ABCA6: variants seen among roughly 807,000 people sequenced by gnomAD.
ABCA6 encodes the protein ATP-binding cassette sub-family A member 6.
Under a neutral mutation model 191.2 loss-of-function variants are expected in ABCA6, and 164 were observed. That is an observed-to-expected ratio of 0.86 (90% CI 0.76 to 0.98). The LOEUF is 0.98. Among genes scored for constraint, ABCA6 ranks in the 50% least tolerant of loss-of-function variants. The pLI, the probability that ABCA6 is intolerant of heterozygous loss-of-function variation, is 0.00. For synonymous variants in ABCA6, 636 were observed against 647.7 expected, an observed-to-expected ratio of 0.98 and a Z score of 0.27; for missense variants, 1,958 against 1,894.1, an observed-to-expected ratio of 1.03 and a Z score of -0.63.
intron 8 of ABCA6, among the ~76,000 whole-genome samples, chr17:69,125,292 T>C (rs1442762889): frequency 1.3e-5 from 2 of 151,826 alleles, no homozygotes; most frequent in Non-Finnish European, 2.9e-5. Context: ...TTTGTTTGTT[T>C]TCAGAAAATC....
chr17:69,115,474 T>A lies in ABCA6; in HGVS notation c.1508A>T (p.Asp503Val). The A allele has an allele frequency of 6.2e-7, 1 of 1,609,104 alleles. No homozygotes were observed. Among genetic ancestry groups the A allele is most frequent in the Non-Finnish European group, 8.5e-7 (1 of 1,177,654 alleles). ...TGCCGTGATTTGACCTTCATATATGTCAAAGAGCAAGCCTATTTTTAGAAC... is the reference window on the plus strand; with the variant it reads ...TGCCGTGATTTGACCTTCATATATGACAAAGAGCAAGCCTATTTTTAGAAC... ...KVEALKGLLF[D>V]IYEGQITAIL... Residue 503 changes from aspartate to valine, a missense_variant, in exon 12 of 39, where the codon GAC becomes GTC. By Grantham distance (152) the Asp-to-Val change is radical. Coordinates refer to ENST00000284425, the MANE Select transcript of ABCA6 (RefSeq NM_080284.3).
intron 14 of ABCA6, 41 bp downstream of exon 14, chr17:69,113,577 A>G (rs1439862043): frequency 1.2e-6 from 2 of 1,611,328 alleles, no homozygotes; most frequent in East Asian, 2.2e-5. Context: ...CATTTTGCAG[A>G]CATTCGACCT....
intron 36 of ABCA6, 56 bp from the exon 37 acceptor site, chr17:69,081,201 A>C (rs2072626260): frequency 2.2e-6 from 2 of 893,442 alleles, no homozygotes; most frequent in East Asian, 5.0e-5. Flanking sequence ...GAAAATGAGC[A>C]TCAGAATAAA....
Position 69,112,253 on chromosome 17 carries a change from T to C in ABCA6, c.2062A>G (p.Asn688Asp). The C allele has an allele frequency of 1.2e-6, 2 of 1,612,246 alleles. No homozygotes were observed. Among genetic ancestry groups the C allele is most frequent in the Non-Finnish European group, 8.5e-7 (1 of 1,178,830 alleles). Residue 688 changes from asparagine to aspartate, a missense_variant, in exon 16 of 39, where the codon AAT becomes GAT. Coordinates refer to ENST00000284425, the MANE Select transcript of ABCA6 (RefSeq NM_080284.3). ...ILADRKVIMS[N>D]GRLKCAGSSM... Reference sequence around the variant, plus strand: ...GAACCTGCACACTTCAGTCTCCCATTGGACATGATCACTTTTCTATCTGAA... The same window carrying C: ...GAACCTGCACACTTCAGTCTCCCATCGGACATGATCACTTTTCTATCTGAA...
chr17:69,081,135 A>C lies in ABCA6; in HGVS notation c.4627T>G (p.Leu1543Val). The change falls in exon 37 of 39, where the codon TTG becomes GTG. Residue 1543 changes from leucine to valine, a missense_variant. Coordinates refer to ENST00000284425, the MANE Select transcript of ABCA6 (RefSeq NM_080284.3). ...GCCACGGGCAGCTTATAGGTTAACA[A>C]AGAGGAATACCTGAAAACAGGAAGA... is the stretch of plus-strand genomic sequence containing the variant. ...QAAGQERYSS[L>V]LTYKLPVADV... 1 of 1,591,376 alleles carries C rather than the reference A, an allele frequency of 6.3e-7. No homozygotes were observed. The highest frequency in any genetic ancestry group is 1.3e-5 in the African/African-American group (1 of 74,520).
At chr17:69,089,966 A>G (rs997797922) in intron 26 of ABCA6, among the ~76,000 whole-genome samples, 1 of 152,120 alleles carries the variant, frequency 6.6e-6, no homozygotes, top group Admixed American at 6.6e-5. Context: ...TCTTATCCCA[A>G]TGGTGACTAT....
In ABCA6 at chr17:69,116,431, T is replaced by C. The variant is rs2073540419; in HGVS notation, c.1496-945A>G. Among the ~76,000 whole-genome samples the C allele has an allele frequency of 2.6e-5, 4 of 152,124 alleles. No individual in the cohort carries two copies. In the South Asian group the frequency reaches 8.3e-4, roughly 31 times the overall value. Reference sequence around the variant, plus strand: ...TCATTATGTATTGCTTGTGGGAGTATGACTTTTTATGATTTTAGAGGGAAA... The same window carrying C: ...TCATTATGTATTGCTTGTGGGAGTACGACTTTTTATGATTTTAGAGGGAAA... On this transcript the variant is annotated intron_variant, in intron 11 of 38. Coordinates refer to ENST00000284425, the MANE Select transcript of ABCA6 (RefSeq NM_080284.3).
intron 18 of ABCA6, among the ~76,000 whole-genome samples, chr17:69,107,223 G>A (rs2073325580): frequency 1.3e-5 from 2 of 152,068 alleles, no homozygotes; most frequent in African/African-American, 4.8e-5. Context: ...ATATATCAAT[G>A]TATAGCCATA....
rs2072566557 is a variant in ABCA6 at position 69,079,200 on chromosome 17, C to T, written c.4752+10G>A. The T allele has an allele frequency of 1.2e-6, 2 of 1,607,486 alleles. No individual in the cohort carries two copies. The highest frequency in any genetic ancestry group is 1.7e-6 in the Non-Finnish European group (2 of 1,176,606). ...TACCAGATGATACAAAGTCAAACCA[C>T]TTGACTTACCTTCTCCAGTGTGCAC... On this transcript the variant is annotated intron_variant, in intron 38 of 38. Coordinates refer to ENST00000284425, the MANE Select transcript of ABCA6 (RefSeq NM_080284.3).
chr17:69,098,963 CA>C (rs1430159032), intron 22 of ABCA6, among the ~76,000 whole-genome samples: 1 of 152,000 alleles, frequency 6.6e-6, no homozygotes, highest in Non-Finnish European at 1.5e-5. Context: ...ATTACCACAA[CA>C]AAAAAACAAT....
intron 17 of ABCA6, chr17:69,108,808 A>G (rs2144664115): frequency 6.6e-6 from 1 of 152,336 alleles, no homozygotes; most frequent in South Asian, 2.1e-4. Flanking sequence ...CCATGTCCGG[A>G]AATGGACATA....
At chr17:69,111,071 ACTAACATGATAGTAAT>A in intron 16 of ABCA6, 131 bp from the exon 17 acceptor site, 1 of 786,868 alleles carries the variant, frequency 1.3e-6, no homozygotes, top group East Asian at 2.8e-5. Flanking sequence ...ATGAGTAAAT[ACTAACATGATAGTAAT>A]CTATCAGTTT....
intron 26 of ABCA6, 78 bp downstream of exon 26, chr17:69,091,065 T>C: frequency 6.9e-7 from 1 of 1,441,312 alleles, no homozygotes. Flanking sequence ...CACTACTTTC[T>C]GTCTCTCTTG....
Position 69,105,545 on chromosome 17 carries a change from TC to T in ABCA6, c.2656del (p.Glu886AsnfsTer23). On this transcript the variant is annotated frameshift_variant, in exon 20 of 39. Coordinates refer to ENST00000284425, the MANE Select transcript of ABCA6 (RefSeq NM_080284.3). LOFTEE classifies it high-confidence loss of function. Reference protein sequence around the residue: ...YAMLNEKIDWEFKNELYFLSP... With the variant: ...YAMLNEKIDWXFKNELYFLSP... The stretch of plus-strand genomic sequence containing the variant: ...GAGAAAATACAATTCGTTTTTAAAT[TC>T]CCAATCGATCTTTTCATTTAACATA... 1 of 1,599,632 alleles carries T rather than the reference TC, an allele frequency of 6.3e-7. No homozygotes were observed.
intron 21 of ABCA6, among the ~76,000 whole-genome samples, chr17:69,102,020 T>G (rs1429876444): frequency 6.6e-6 from 1 of 152,220 alleles, no homozygotes; most frequent in Admixed American, 6.5e-5. Context: ...TTTATTAGAA[T>G]GCAAATAAGA....
At chr17:69,114,730 G>A (rs772471575) in intron 13 of ABCA6, 32 bp downstream of exon 13, 1 of 1,567,194 alleles carries the variant, frequency 6.4e-7, no homozygotes, top group Non-Finnish European at 8.7e-7. Context: ...TAAGTGGTTG[G>A]CAGGTCAGTT....
At position 69,124,077 on chromosome 17, in the gene ABCA6, T is replaced by C. The variant is rs552233559; in HGVS notation, c.1268-670A>G. On this transcript the variant is annotated intron_variant, in intron 9 of 38. Coordinates refer to ENST00000284425, the MANE Select transcript of ABCA6 (RefSeq NM_080284.3). ...CATAATTGAACATAATATTGAAATCTATATATTCCTGCTTAGGCATGAATA... is the reference window on the plus strand; with the variant it reads ...CATAATTGAACATAATATTGAAATCCATATATTCCTGCTTAGGCATGAATA... 3.6e-4 allele frequency among the ~76,000 whole-genome samples: 55 copies of C among 152,176 alleles called. 1 individual carries two copies. The East Asian group carries it at 0.01, about 28-fold the overall frequency.
At chr17:69,081,735 G>C (rs1027675289) in intron 36 of ABCA6, among the ~76,000 whole-genome samples, 5 of 152,140 alleles carry the variant, frequency 3.3e-5, no homozygotes, top group Non-Finnish European at 7.3e-5. Context: ...TAGAAGTAAG[G>C]AAATCAATAG....
intron 2 of ABCA6, 93 bp from the exon 3 acceptor site, chr17:69,137,593 A>G (rs942484711): frequency 8.5e-5 from 100 of 1,179,984 alleles, no homozygotes; most frequent in Non-Finnish European, 1.1e-4. Context: ...ACAAATTCCA[A>G]TTGTGCTATA....
Sources: gnomAD v4.1 joint callset for allele counts (sites outside exome capture counted in the v4.1 genomes callset) on GRCh38, gnomAD v4.1.1 for gene constraint, MANE v1.5 for transcripts, NCBI Gene and HGNC (gene_info 2026-07-23, HGNC 2026-07-21) for gene names.